The following LIMD1 variants were observed in gnomAD, a reference collection of about 807,000 sequenced individuals.
LIMD1 encodes the protein LIM domain containing 1, also known as LIM domain-containing protein 1.
Under a neutral mutation model 58.4 loss-of-function variants are expected in LIMD1, and 23 were observed. That is an observed-to-expected ratio of 0.39 (90% CI 0.28 to 0.56). The LOEUF (loss-of-function observed/expected upper bound fraction) is 0.56. Ranked by LOEUF, LIMD1 falls within the 20% of genes least tolerant of loss-of-function variation. LIMD1 has a pLI of 0.57. For synonymous variants in LIMD1, 334 were observed against 345.5 expected, an observed-to-expected ratio of 0.97 and a Z score of 0.37; for missense variants, 838 against 855.5, an observed-to-expected ratio of 0.98 and a Z score of 0.25.
intron 1 of LIMD1, among the ~76,000 whole-genome samples, chr3:45,631,325 T>TC (rs1213793371): frequency 6.6e-6 from 1 of 151,774 alleles, no homozygotes; most frequent in Non-Finnish European, 1.5e-5. Context: ...GAAAGAAATC[T>TC]CCAAGTCCAG....
chr3:45,639,855 G>A (rs752928788), intron 2 of LIMD1, among the ~76,000 whole-genome samples: 66 of 152,238 alleles, frequency 4.3e-4, no homozygotes, highest in Non-Finnish European at 7.4e-4. Flanking sequence ...TAGAGACAGG[G>A]TTTCTTCATG....
At chr3:45,674,263 TC>T in intron 6 of LIMD1, 79 bp from the exon 7 acceptor site, 1 of 1,042,650 alleles carries the variant, frequency 9.6e-7, no homozygotes, top group Non-Finnish European at 1.5e-6. Context: ...CCCTCTTCCC[TC>T]CCCACCCCAC....
intron 2 of LIMD1, among the ~76,000 whole-genome samples, chr3:45,649,723 A>AT (rs1559522210): frequency 1.2e-4 from 17 of 141,548 alleles, no homozygotes; most frequent in East Asian, 8.2e-4. Flanking sequence ...TATATATATA[A>AT]AATTATATAG....
chr3:45,656,553 C>G (rs1294658197), intron 2 of LIMD1, among the ~76,000 whole-genome samples: 1 of 150,840 alleles, frequency 6.6e-6, no homozygotes, highest in African/African-American at 2.4e-5. Context: ...GAGTCTCACT[C>G]TGTCGCCAGG....
intron 2 of LIMD1, among the ~76,000 whole-genome samples, chr3:45,641,286 G>A (rs531962823): frequency 6.6e-6 from 1 of 152,196 alleles, no homozygotes; most frequent in African/African-American, 2.4e-5. Flanking sequence ...TTGTTTTTCT[G>A]GTTCTCCCTC....
intron 1 of LIMD1, among the ~76,000 whole-genome samples, chr3:45,633,886 AGGG>A (rs1701761142): frequency 6.6e-6 from 1 of 152,142 alleles, no homozygotes; most frequent in Non-Finnish European, 1.5e-5. Flanking sequence ...TCTGAAACAC[AGGG>A]CTTTCTACCC....
intron 2 of LIMD1, among the ~76,000 whole-genome samples, chr3:45,658,221 A>G (rs1697370297): frequency 1.3e-5 from 2 of 152,218 alleles, no homozygotes; most frequent in Admixed American, 1.3e-4. Flanking sequence ...AACCGAAGTG[A>G]AAAATGAAGT....
chr3:45,657,385 A>T (rs1227817884), intron 2 of LIMD1, among the ~76,000 whole-genome samples: 1 of 152,064 alleles, frequency 6.6e-6, no homozygotes, highest in Non-Finnish European at 1.5e-5. Context: ...TTCCGGCCAG[A>T]TATGGTAACT....
At chr3:45,643,039 A>T (rs115704198) in intron 2 of LIMD1, among the ~76,000 whole-genome samples, 4,610 of 152,278 alleles carry the variant, frequency 0.03, 76 homozygotes, top group Non-Finnish European at 0.041. Flanking sequence ...TGGAGAGGAC[A>T]GGAGTGGCCT....
chr3:45,647,321 TAA>T (rs1165285898), intron 2 of LIMD1, among the ~76,000 whole-genome samples: 1 of 152,162 alleles, frequency 6.6e-6, no homozygotes. Flanking sequence ...TCTTGCCAGT[TAA>T]AGTTTAAAGG....
At chr3:45,629,656 G>A (rs1701706685) in intron 1 of LIMD1, among the ~76,000 whole-genome samples, 1 of 152,160 alleles carries the variant, frequency 6.6e-6, no homozygotes, top group African/African-American at 2.4e-5. Context: ...AGAGACAGAA[G>A]CTGCTGGACG....
intron 1 of LIMD1, among the ~76,000 whole-genome samples, chr3:45,599,881 C>T (rs966330371): frequency 6.6e-6 from 1 of 152,170 alleles, no homozygotes; most frequent in Admixed American, 6.5e-5. Context: ...GGCAGAGCTT[C>T]CATCTGCTCT....
chr3:45,597,354 A>G (rs1418035656), intron 1 of LIMD1, among the ~76,000 whole-genome samples: 2 of 152,176 alleles, frequency 1.3e-5, no homozygotes, highest in East Asian at 3.9e-4. Context: ...AACCCAGCCT[A>G]CACCCAGGTA....
intron 1 of LIMD1, among the ~76,000 whole-genome samples, chr3:45,621,247 T>A (rs1014314939): frequency 6.6e-6 from 1 of 152,076 alleles, no homozygotes; most frequent in Non-Finnish European, 1.5e-5. Context: ...CCCTTTTCTT[T>A]CCTTACAGGG....
intron 1 of LIMD1, among the ~76,000 whole-genome samples, chr3:45,602,163 T>C (rs1208597594): frequency 2.0e-5 from 3 of 152,130 alleles, no homozygotes; most frequent in African/African-American, 7.2e-5. Flanking sequence ...TTAGCCAGGA[T>C]GGTCTCGATC....
intron 1 of LIMD1, among the ~76,000 whole-genome samples, chr3:45,607,987 C>T (rs1701484991): frequency 6.6e-6 from 1 of 152,218 alleles, no homozygotes; most frequent in Non-Finnish European, 1.5e-5. Context: ...CTCCTGCTAC[C>T]TCAGTTTGCA....
intron 2 of LIMD1, among the ~76,000 whole-genome samples, chr3:45,652,239 G>A (rs539970535): frequency 1.3e-5 from 2 of 152,252 alleles, no homozygotes; most frequent in African/African-American, 2.4e-5. Context: ...CCAATGTATT[G>A]TTTATCTCAG....
intron 1 of LIMD1, among the ~76,000 whole-genome samples, chr3:45,629,136 G>A (rs2125656268): frequency 6.6e-6 from 1 of 152,186 alleles, no homozygotes; most frequent in Non-Finnish European, 1.5e-5. Flanking sequence ...ACACGGGGCT[G>A]GGCACGGTGG....
At chr3:45,674,837 T>A (rs1697647110) in intron 7 of LIMD1, among the ~76,000 whole-genome samples, 1 of 152,126 alleles carries the variant, frequency 6.6e-6, no homozygotes. Context: ...ATGAAGCCCC[T>A]CTTGGAAACA....
Sources: gnomAD v4.1 joint callset for allele counts (sites outside exome capture counted in the v4.1 genomes callset) on GRCh38, gnomAD v4.1.1 for gene constraint, MANE v1.5 for transcripts, NCBI Gene and HGNC (gene_info 2026-07-23, HGNC 2026-07-21) for gene names.